NFKB1: variants seen among roughly 807,000 people sequenced by gnomAD.
The protein encoded by NFKB1 is nuclear factor NF-kappa-B p105 subunit.
In NFKB1, 9 loss-of-function variants were observed where a neutral mutation model predicts 105.1. The observed-to-expected ratio is 0.09, with a 90% CI of 0.05 to 0.15. NFKB1 has a LOEUF of 0.15. NFKB1 is among the 10% of genes least tolerant of loss of function. The probability of loss-of-function intolerance (pLI) is 1.00; values close to 1 mark genes in which losing one functional copy is unlikely to be tolerated. For synonymous variants in NFKB1, 440 were observed against 442.2 expected (o/e 1.00, Z 0.06); for missense variants, 830 against 1,203.7 (o/e 0.69, Z 4.59).
At chr4:102,579,887 A>G (rs1351319070) in intron 8 of NFKB1, among the ~76,000 whole-genome samples, 1 of 151,852 alleles carries the variant, frequency 6.6e-6, no homozygotes, top group Non-Finnish European at 1.5e-5. Context: ...GAATTCTCTA[A>G]TTTAAACAAC....
chr4:102,532,333 A>C (rs1420797103), intron 3 of NFKB1, among the ~76,000 whole-genome samples: 2 of 152,190 alleles, frequency 1.3e-5, no homozygotes, highest in East Asian at 3.8e-4. Flanking sequence ...TGAAAAGATA[A>C]AAATAAATTC....
chr4:102,572,895 C>G (rs1376773416), intron 6 of NFKB1, among the ~76,000 whole-genome samples: 2 of 152,216 alleles, frequency 1.3e-5, no homozygotes, highest in Non-Finnish European at 2.9e-5. Context: ...TCTTCTGCCT[C>G]AGGCACTTCC....
At chr4:102,542,802 C>G (rs559084952) in intron 5 of NFKB1, among the ~76,000 whole-genome samples, 9 of 152,272 alleles carry the variant, frequency 5.9e-5, no homozygotes, top group African/African-American at 2.2e-4. Flanking sequence ...CACTTTGATC[C>G]TATTGATTCC....
Position 102,612,574 on chromosome 4 carries a change from G to C in NFKB1, c.2560G>C (p.Ala854Pro). ...ILNNAFRLSP[A>P]PSKTLMDNYE... ...TAATAATGCCTTCCGGCTGAGTCCT[G>C]CTCCTTCCAAAACACTTATGGACAA... The change falls in exon 22 of 24, where the codon GCT becomes CCT. Residue 854 changes from alanine to proline, a missense_variant. Around this residue, in one of 8 missense-constraint regions of NFKB1, gnomAD observed 418 missense variants for 575.3 expected, o/e 0.73. Transcript: ENST00000226574. 1.2e-6 allele frequency: 2 copies of C among 1,613,848 alleles called. No homozygotes were observed. Among genetic ancestry groups the C allele is most frequent in the South Asian group, 1.1e-5 (1 of 91,066 alleles).
intron 16 of NFKB1, among the ~76,000 whole-genome samples, chr4:102,601,885 A>G (rs906423761): frequency 3.3e-5 from 5 of 151,094 alleles, no homozygotes; most frequent in African/African-American, 9.8e-5. Flanking sequence ...TCTTTCCCCT[A>G]CTCCCACCAG....
chr4:102,508,446 GT>G (rs1231737824), intron 1 of NFKB1, among the ~76,000 whole-genome samples: 6 of 152,116 alleles, frequency 3.9e-5, no homozygotes, highest in African/African-American at 1.4e-4. Context: ...CAGTTGGATA[GT>G]CAGGAAAGTA....
chr4:102,569,060 A>G (rs1724101535), intron 6 of NFKB1, among the ~76,000 whole-genome samples: 2 of 152,100 alleles, frequency 1.3e-5, no homozygotes, highest in South Asian at 4.1e-4. Flanking sequence ...CTCACTTTCT[A>G]ATTTGATTTT....
intron 2 of NFKB1, 99 bp from the exon 3 acceptor site, chr4:102,529,737 T>G: frequency 1.1e-6 from 1 of 873,590 alleles, no homozygotes; most frequent in Non-Finnish European, 1.8e-6. Flanking sequence ...TTGGCTTTAG[T>G]TTCATTCCTA....
intron 8 of NFKB1, among the ~76,000 whole-genome samples, chr4:102,579,891 A>C (rs1419555663): frequency 6.6e-6 from 1 of 151,890 alleles, no homozygotes; most frequent in Non-Finnish European, 1.5e-5. Flanking sequence ...TCTCTAATTT[A>C]AACAACTTTG....
intron 5 of NFKB1, among the ~76,000 whole-genome samples, chr4:102,555,727 GGAAT>G (rs1722940526): frequency 6.6e-6 from 1 of 152,208 alleles, no homozygotes. Flanking sequence ...ATAATTTGCT[GGAAT>G]GAAGAGCACG....
chr4:102,536,261 T>C (rs230529), intron 4 of NFKB1, among the ~76,000 whole-genome samples: 89,218 of 151,890 alleles, frequency 0.59, 26,389 homozygotes, highest in Middle Eastern at 0.71. Flanking sequence ...TGTGTGAGAA[T>C]CAAAACAAAG....
At chr4:102,529,770 A>C (rs1741160424) in intron 2 of NFKB1, 66 bp from the exon 3 acceptor site, 3 of 1,220,252 alleles carry the variant, frequency 2.5e-6, no homozygotes, top group Non-Finnish European at 3.5e-6. Flanking sequence ...AGGTGTCCCA[A>C]CTTCAAATTT....
chr4:102,551,367 T>TGTGCGCGC (rs370790173), intron 5 of NFKB1, among the ~76,000 whole-genome samples: 80 of 150,200 alleles, frequency 5.3e-4, no homozygotes, highest in African/African-American at 1.8e-3. Context: ...TGTGTGTGTG[T>TGTGCGCGC]GCGCGCGCGC....
At chr4:102,541,329 TG>T (rs4648010) in intron 5 of NFKB1, among the ~76,000 whole-genome samples, 106,645 of 152,020 alleles carry the variant, frequency 0.7, 38,173 homozygotes, top group African/African-American at 0.83. Context: ...TACGTAGAAT[TG>T]TCCAAGTGTA....
intron 8 of NFKB1, 81 bp from the exon 9 acceptor site, chr4:102,580,454 A>G (rs1032255049): frequency 7.5e-5 from 82 of 1,095,424 alleles, no homozygotes; most frequent in Middle Eastern, 4.0e-4. Context: ...CATGTGTGCT[A>G]AGGGGAGGGT....
chr4:102,565,020 G>A lies in NFKB1; in HGVS notation c.259-1967G>A, dbSNP rs566525716. Among the ~76,000 whole-genome samples the A allele has an allele frequency of 6.8e-4, 103 of 152,160 alleles. 1 individual carries two copies. Among genetic ancestry groups the A allele is most frequent in the Non-Finnish European group, 1.3e-3 (87 of 68,034 alleles). ...CAGCAATCTATAGAGAGTATCTAGG[G>A]ACAGCAGTCAGCTTTGGAGAAAACC... On this transcript the variant is annotated intron_variant, in intron 5 of 23. Transcript: ENST00000226574.
Position 102,607,440 on chromosome 4 carries a change from T to C in NFKB1, c.2124+121T>C, listed in dbSNP as rs1433533087. On this transcript the variant is annotated intron_variant, in intron 18 of 23. Coordinates refer to ENST00000226574, the MANE Select transcript of NFKB1 (RefSeq NM_003998.4). ...TACAATCAGCTCTATTTGTTTAACA[T>C]TTATGGAGGGCTTCAGAGTACCACC... is the stretch of plus-strand genomic sequence containing the variant. 13 of 1,206,200 alleles carry C rather than the reference T, an allele frequency of 1.1e-5. No homozygotes were observed. The East Asian group carries it at 2.8e-4, about 26-fold the overall frequency. The allele number at this position is 1,206,200 out of a possible 1,614,324, so 74.7% of individuals were successfully genotyped here.
At chr4:102,609,611 C>CAAAAAAAAA (rs34646774) in intron 19 of NFKB1, among the ~76,000 whole-genome samples, 9 of 64,234 alleles carry the variant, frequency 1.4e-4, no homozygotes, top group African/African-American at 4.3e-4. Context: ...GACTCCATCT[C>CAAAAAAAAA]AAAAAAAAAA....
intron 1 of NFKB1, among the ~76,000 whole-genome samples, chr4:102,515,571 G>C (rs1740120289): frequency 6.6e-6 from 1 of 151,092 alleles, no homozygotes; most frequent in Admixed American, 6.6e-5. Context: ...TCCTTCATTG[G>C]TTACTTTCTA....
Sources: allele counts gnomAD v4.1 joint callset (sites outside exome capture counted in the v4.1 genomes callset), GRCh38; gene constraint gnomAD v4.1.1; regional missense constraint gnomAD v4.1.1; transcripts MANE v1.5; gene names NCBI Gene and HGNC (gene_info 2026-07-23, HGNC 2026-07-21).